Variants in TCERG1L observed in about 807,000 individuals in gnomAD.
The protein encoded by TCERG1L is transcription elongation regulator 1-like protein.
In TCERG1L, 37 loss-of-function variants were observed where a neutral mutation model predicts 56.3. That is an observed-to-expected ratio of 0.66 (90% confidence interval 0.51 to 0.87). The LOEUF is 0.87. Ranked by LOEUF, TCERG1L falls within the 40% of genes least tolerant of loss-of-function variation. The pLI, the probability that TCERG1L is intolerant of heterozygous loss-of-function variation, is 0.00. For synonymous variants in TCERG1L, 324 were observed against 326.3 expected (o/e 0.99, Z 0.08); for missense variants, 799 against 774.2 (o/e 1.03, Z -0.38).
At chr10:131,257,511 G>A (rs1846185465) in intron 4 of TCERG1L, among the ~76,000 whole-genome samples, 1 of 152,322 alleles carries the variant, frequency 6.6e-6, no homozygotes, top group Non-Finnish European at 1.5e-5. Flanking sequence ...CAGGGTCAGG[G>A]TAGTGCCACA....
At position 131,267,828 on chromosome 10, in the gene TCERG1L, G is replaced by A. The variant is rs977234926; in HGVS notation, c.671-7384C>T. ...CCCTGTCCACCTCCTTGCAGACTTC[G>A]GTGGGGGCTCCAGGGCCTTGCCAGG... On this transcript the variant is annotated intron_variant, in intron 3 of 11. Coordinates refer to ENST00000368642, the MANE Select transcript of TCERG1L (RefSeq NM_174937.4). This position sits in a 1 kb window ranked among gnomAD's most constrained non-coding sequence, Gnocchi z 4.9. 1.3e-5 allele frequency among the ~76,000 whole-genome samples: 2 copies of A among 152,328 alleles called. No homozygotes were observed. Among genetic ancestry groups the A allele is most frequent in the East Asian group, 1.9e-4 (1 of 5,174 alleles).
chr10:131,126,232 C>T (rs928609854), intron 8 of TCERG1L, among the ~76,000 whole-genome samples: 1 of 152,248 alleles, frequency 6.6e-6, no homozygotes, highest in South Asian at 2.1e-4. Flanking sequence ...CCACACTCAT[C>T]TGTCCCGTGT....
At chr10:131,208,540 T>TA (rs1381143189) in intron 4 of TCERG1L, among the ~76,000 whole-genome samples, 6 of 152,200 alleles carry the variant, frequency 3.9e-5, no homozygotes, top group African/African-American at 1.4e-4. Flanking sequence ...TAGCTGCAGT[T>TA]AAATGATAAA....
chr10:131,105,603 C>T (rs917089884), intron 9 of TCERG1L, among the ~76,000 whole-genome samples: 1 of 152,108 alleles, frequency 6.6e-6, no homozygotes, highest in Non-Finnish European at 1.5e-5. Flanking sequence ...TCGTTCATGC[C>T]TCCATGTTAC....
At chr10:131,308,148 A>G (rs1000887468) in intron 3 of TCERG1L, 63 bp downstream of exon 3, 6 of 1,440,420 alleles carry the variant, frequency 4.2e-6, no homozygotes, top group Non-Finnish European at 5.6e-6. Context: ...TTTCATATCT[A>G]AAACTAATTT....
rs901294035 is a variant in TCERG1L, at chr10:131,220,076, C to T, written c.856+40183G>A. The stretch of plus-strand genomic sequence containing the variant: ...TCCAACACACATCACAGGCCCTGGA[C>T]CCGGGCTGAGCTCCACCCTGGCACC... On this transcript the variant is annotated intron_variant, in intron 4 of 11. Coordinates refer to ENST00000368642, the MANE Select transcript of TCERG1L (RefSeq NM_174937.4). Among the ~76,000 whole-genome samples, 103 of 152,198 alleles carry T rather than the reference C, an allele frequency of 6.8e-4. 3 individuals carry two copies.
At chr10:131,126,253 T>C (rs530289450) in intron 8 of TCERG1L, among the ~76,000 whole-genome samples, 1 of 152,326 alleles carries the variant, frequency 6.6e-6, no homozygotes, top group East Asian at 1.9e-4. Flanking sequence ...GCACTTGCTG[T>C]CCGTGTAGCT....
intron 3 of TCERG1L, among the ~76,000 whole-genome samples, chr10:131,282,089 T>G (rs1354223053): frequency 3.8e-5 from 5 of 133,008 alleles, no homozygotes; most frequent in African/African-American, 1.5e-4. Context: ...TGAGCGGAGA[T>G]CACGCCACTG....
intron 4 of TCERG1L, among the ~76,000 whole-genome samples, chr10:131,169,470 T>C (rs972207733): frequency 6.6e-6 from 1 of 152,172 alleles, no homozygotes; most frequent in Admixed American, 6.5e-5. Flanking sequence ...GAAGTTAAAC[T>C]TGGTGATTCA....
chr10:131,204,963 T>C (rs1255473626), intron 4 of TCERG1L, among the ~76,000 whole-genome samples: 8 of 152,292 alleles, frequency 5.3e-5, no homozygotes, highest in Middle Eastern at 3.4e-3. Context: ...GCTCTGCAGC[T>C]GGATCTGGTC....
chr10:131,258,630 G>A (rs1846199965), intron 4 of TCERG1L, among the ~76,000 whole-genome samples: 1 of 152,208 alleles, frequency 6.6e-6, no homozygotes, highest in Non-Finnish European at 1.5e-5. Context: ...GCAATGGGAA[G>A]GCAATTTTAG....
chr10:131,115,030 C>T (rs576733853), intron 9 of TCERG1L, among the ~76,000 whole-genome samples: 27 of 152,224 alleles, frequency 1.8e-4, no homozygotes, highest in Admixed American at 1.6e-3. Flanking sequence ...GGTCACAAAA[C>T]GGCCTCTCCT....
intron 4 of TCERG1L, among the ~76,000 whole-genome samples, chr10:131,233,260 T>G (rs1845871903): frequency 6.6e-6 from 1 of 152,206 alleles, no homozygotes; most frequent in Admixed American, 6.5e-5. Flanking sequence ...TAGTAAAATA[T>G]TGAGATCTTA....
chr10:131,182,669 G>A (rs999191), intron 4 of TCERG1L, among the ~76,000 whole-genome samples: 95,780 of 152,052 alleles, frequency 0.63, 30,365 homozygotes, highest in African/African-American at 0.7. Flanking sequence ...TAGCATTTGC[G>A]GGCCTGTTAG....
intron 4 of TCERG1L, among the ~76,000 whole-genome samples, chr10:131,192,487 C>A (rs1483920293): frequency 6.9e-6 from 1 of 144,210 alleles, no homozygotes; most frequent in East Asian, 1.9e-4. Context: ...AAAAGTAGAT[C>A]TACCATTTGA....
chr10:131,253,981 GAGA>G (rs77352039), intron 4 of TCERG1L, among the ~76,000 whole-genome samples: 33,358 of 152,004 alleles, frequency 0.22, 4,284 homozygotes, highest in East Asian at 0.51. Context: ...CAACAGTGAG[GAGA>G]AGGAGTTCGT....
At chr10:131,246,645 T>C (rs10765060) in intron 4 of TCERG1L, among the ~76,000 whole-genome samples, 39,732 of 150,992 alleles carry the variant, frequency 0.26, 5,631 homozygotes, top group South Asian at 0.45. Flanking sequence ...AGCTCCTCCT[T>C]CCGTGGTGGG....
intron 4 of TCERG1L, among the ~76,000 whole-genome samples, chr10:131,259,838 G>A (rs1380343736): frequency 6.6e-6 from 1 of 152,234 alleles, no homozygotes; most frequent in Non-Finnish European, 1.5e-5. Context: ...TGCCTGGGGG[G>A]AGCAGCACAC....
chr10:131,114,071 G>A lies in TCERG1L; in HGVS notation c.1395+2728C>T, dbSNP rs186123760. On this transcript the variant is annotated intron_variant, in intron 9 of 11. Coordinates refer to ENST00000368642, the MANE Select transcript of TCERG1L (RefSeq NM_174937.4). ...CACAAAACCACAAAACCTTCATCCC[G>A]CTGCCCCAGGGCACAATCCCCGTGG... 5.8e-3 allele frequency among the ~76,000 whole-genome samples: 816 copies of A among 141,880 alleles called. 67 individuals are homozygous for A. Among genetic ancestry groups the A allele is most frequent in the African/African-American group, 0.019 (785 of 40,330 alleles). 93.1% of individuals were successfully genotyped at this position (141,880 alleles called of 152,430 possible).
Sources: gnomAD v4.1 joint callset for allele counts (sites outside exome capture counted in the v4.1 genomes callset) on GRCh38, gnomAD v4.1.1 for gene constraint, Gnocchi (gnomAD v3.1) non-coding constraint, MANE v1.5 for transcripts, NCBI Gene and HGNC (gene_info 2026-07-23, HGNC 2026-07-21) for gene names.